MOXD1: variants seen among roughly 807,000 people sequenced by gnomAD.
MOXD1 encodes DBH-like monooxygenase protein 1.
A neutral mutation model predicts 66.6 loss-of-function variants in MOXD1; 62 were observed. That is an observed-to-expected ratio of 0.93 (90% CI 0.76 to 1.15). MOXD1 has a LOEUF of 1.15. MOXD1 is among the 50% of genes most tolerant of loss of function. MOXD1 has a pLI of 0.00. For missense variants in MOXD1, 847 were observed against 754.6 expected, an observed-to-expected ratio of 1.12 and a Z score of -1.44; for synonymous variants, 303 against 281.9, an observed-to-expected ratio of 1.07 and a Z score of -0.75.
At chr6:132,349,406 C>CGT (rs1775741251) in intron 4 of MOXD1, among the ~76,000 whole-genome samples, 1 of 72,044 alleles carries the variant, frequency 1.4e-5, no homozygotes, top group East Asian at 5.9e-4. Context: ...CATATATATA[C>CGT]ATATATATAT....
intron 4 of MOXD1, among the ~76,000 whole-genome samples, chr6:132,359,361 A>C (rs1458755718): frequency 1.3e-5 from 2 of 152,168 alleles, no homozygotes; most frequent in Non-Finnish European, 2.9e-5. Flanking sequence ...GGTGAAAGCC[A>C]CTGCATCTGC....
At chr6:132,388,370 G>C (rs997559681) in intron 1 of MOXD1, among the ~76,000 whole-genome samples, 5 of 151,272 alleles carry the variant, frequency 3.3e-5, no homozygotes, top group African/African-American at 1.2e-4. Flanking sequence ...AGCAGTGCTG[G>C]GATTCACACC....
At position 132,374,831 on chromosome 6, in the gene MOXD1, A is replaced by T. The variant is rs764079732; in HGVS notation, c.265-54T>A. The T allele has an allele frequency of 2.7e-6, 4 of 1,494,316 alleles. No individual in the cohort carries two copies. In the South Asian group the frequency reaches 3.5e-5, roughly 13 times the overall value. 92.6% of individuals were successfully genotyped at this position (1,494,316 alleles called of 1,614,324 possible). On this transcript the variant is annotated intron_variant, in intron 1 of 11. Transcript: ENST00000367963. ...GGATACCTAAATACAGAGAGAAAAG[A>T]ATTCATAGGACCTTTAAAGACAAAG...
intron 4 of MOXD1, among the ~76,000 whole-genome samples, chr6:132,337,430 A>T (rs1775463170): frequency 6.6e-6 from 1 of 152,228 alleles, no homozygotes; most frequent in South Asian, 2.1e-4. Flanking sequence ...AGTTAAAAAT[A>T]GTTACTTCAG....
intron 8 of MOXD1, among the ~76,000 whole-genome samples, chr6:132,321,434 T>C (rs1045278561): frequency 3.9e-5 from 6 of 152,248 alleles, no homozygotes; most frequent in Non-Finnish European, 5.9e-5. Flanking sequence ...GTCATGCCTT[T>C]ATTTCCTTAC....
At chr6:132,367,507 A>G (rs1179798606) in intron 4 of MOXD1, among the ~76,000 whole-genome samples, 1 of 152,096 alleles carries the variant, frequency 6.6e-6, no homozygotes, top group Non-Finnish European at 1.5e-5. Flanking sequence ...AAGGTCACAC[A>G]ACTAGTAAGT....
intron 7 of MOXD1, among the ~76,000 whole-genome samples, chr6:132,323,702 G>A (rs1456921763): frequency 6.6e-6 from 1 of 152,102 alleles, no homozygotes; most frequent in Non-Finnish European, 1.5e-5. Context: ...AAAAAGGTAG[G>A]AGTAAGAAGA....
chr6:132,392,215 C>A, intron 1 of MOXD1: 1 of 1,597,136 alleles, frequency 6.3e-7, no homozygotes, highest in East Asian at 2.3e-5. Flanking sequence ...CAAGCACTTC[C>A]TCAGCAAGTG....
chr6:132,329,028 A>G (rs1029972927), intron 4 of MOXD1, among the ~76,000 whole-genome samples: 1 of 151,866 alleles, frequency 6.6e-6, no homozygotes, highest in African/African-American at 2.4e-5. Context: ...GGTTTGTTAC[A>G]TATGTATACA....
chr6:132,336,755 GA>G (rs1380519636), intron 4 of MOXD1, among the ~76,000 whole-genome samples: 1 of 152,058 alleles, frequency 6.6e-6, no homozygotes, highest in African/African-American at 2.4e-5. Flanking sequence ...GAAAAGGAAG[GA>G]AAAAGAGAAG....
intron 10 of MOXD1, among the ~76,000 whole-genome samples, chr6:132,302,497 A>G (rs1294992522): frequency 6.6e-6 from 1 of 152,138 alleles, no homozygotes; most frequent in Non-Finnish European, 1.5e-5. Flanking sequence ...CATATTATTA[A>G]CAAAACATGC....
intron 9 of MOXD1, among the ~76,000 whole-genome samples, chr6:132,317,274 A>T (rs1774979709): frequency 6.6e-6 from 1 of 152,186 alleles, no homozygotes; most frequent in Non-Finnish European, 1.5e-5. Flanking sequence ...ATATACAATG[A>T]TTTTACTAAT....
At chr6:132,320,414 C>T (rs983795584) in intron 9 of MOXD1, among the ~76,000 whole-genome samples, 2 of 152,094 alleles carry the variant, frequency 1.3e-5, no homozygotes, top group African/African-American at 2.4e-5. Context: ...ATTAATTACA[C>T]TCCAAGTATT....
intron 10 of MOXD1, among the ~76,000 whole-genome samples, chr6:132,300,763 G>A (rs1774513990): frequency 6.6e-6 from 1 of 152,208 alleles, no homozygotes; most frequent in African/African-American, 2.4e-5. Context: ...TGGCGCGTAT[G>A]TTGGAGACAG....
At chr6:132,386,428 CA>C (rs59649740) in intron 1 of MOXD1, among the ~76,000 whole-genome samples, 13,548 of 85,914 alleles carry the variant, frequency 0.16, 1,286 homozygotes, top group East Asian at 0.48. Context: ...CAAAACAAAA[CA>C]AAACAAAAAA....
chr6:132,358,966 A>T (rs374744314), intron 4 of MOXD1, among the ~76,000 whole-genome samples: 2 of 152,198 alleles, frequency 1.3e-5, no homozygotes, highest in Non-Finnish European at 2.9e-5. Context: ...TATCACATAC[A>T]TTTAAATTAT....
intron 6 of MOXD1, among the ~76,000 whole-genome samples, chr6:132,326,727 A>G (rs1225927172): frequency 6.6e-6 from 1 of 152,190 alleles, no homozygotes; most frequent in Non-Finnish European, 1.5e-5. Context: ...AGTATGGGAT[A>G]TAATTGGTGG....
chr6:132,351,135 T>C (rs1775791864), intron 4 of MOXD1, among the ~76,000 whole-genome samples: 1 of 152,174 alleles, frequency 6.6e-6, no homozygotes, highest in African/African-American at 2.4e-5. Flanking sequence ...CCTTTATTTC[T>C]TTCTCTTGTC....
chr6:132,322,393 AAG>A (rs1298610307), intron 8 of MOXD1, among the ~76,000 whole-genome samples: 7 of 152,260 alleles, frequency 4.6e-5, no homozygotes, highest in Non-Finnish European at 7.3e-5. Flanking sequence ...AGTATAAAAA[AAG>A]AGTAATGTTT....
Sources: allele counts gnomAD v4.1 joint callset (sites outside exome capture counted in the v4.1 genomes callset), GRCh38; gene constraint gnomAD v4.1.1; transcripts MANE v1.5; gene names NCBI Gene and HGNC (gene_info 2026-07-23, HGNC 2026-07-21).